SREBF2: variants seen among roughly 807,000 people sequenced by gnomAD.
SREBF2 encodes the protein sterol regulatory element-binding protein 2.
A neutral mutation model predicts 113.1 loss-of-function variants in SREBF2; 55 were observed. The observed-to-expected ratio is 0.49, with a 90% CI of 0.39 to 0.61. SREBF2 has a LOEUF of 0.61. SREBF2 is among the 20% of genes least tolerant of loss of function. The pLI, the probability that SREBF2 is intolerant of heterozygous loss-of-function variation, is 0.00. For missense variants in SREBF2, 1,349 were observed against 1,487.4 expected (o/e 0.91, Z 1.53); for synonymous variants, 593 against 605.7 (o/e 0.98, Z 0.31).
intron 1 of SREBF2, among the ~76,000 whole-genome samples, chr22:41,847,893 C>T (rs895493122): frequency 4.0e-5 from 6 of 150,104 alleles, no homozygotes; most frequent in Non-Finnish European, 7.4e-5. Context: ...AAGTCTGTTT[C>T]TTTTATTTAT....
rs761309617 is a variant in SREBF2, at chr22:41,880,960, C to T, written c.2006C>T (p.Ala669Val). Residue 669 changes from alanine to valine, a missense_variant, in exon 10 of 19, where the codon GCC (alanine) becomes GTC (valine). Ala to Val is a moderately conservative substitution (Grantham distance 64). Around this residue, in one of 2 missense-constraint regions of SREBF2, gnomAD observed 650 missense variants for 644.1 expected, o/e 1.01. Transcript: ENST00000361204. Reference sequence around the variant, plus strand: ...ACCAGCGCCCGGGATGCGGCTCTGGCCTATCACCGGCTGCACCAGCTGCAC... The same window carrying T: ...ACCAGCGCCCGGGATGCGGCTCTGGTCTATCACCGGCTGCACCAGCTGCAC... ...AKTSARDAALAYHRLHQLHIT... is the reference protein window; with the variant it reads ...AKTSARDAALVYHRLHQLHIT... 11 of 1,610,170 alleles carry T rather than the reference C, an allele frequency of 6.8e-6. No individual in the cohort carries two copies. In the East Asian group the frequency reaches 2.4e-4, roughly 36 times the overall value.
chr22:41,868,612 C>A lies in SREBF2; in HGVS notation c.540C>A (p.Val180=). The A allele has an allele frequency of 6.2e-7, 1 of 1,614,214 alleles. No individual in the cohort carries two copies. Among genetic ancestry groups the A allele is most frequent in the East Asian group, 2.2e-5 (1 of 44,892 alleles). ...CCTTCTTTCTCCTCTTCTCCCAAGTCCTTCAGCCTCAAGTCCAAAGCCTGG... is the reference window on the plus strand; with the variant it reads ...CCTTCTTTCTCCTCTTCTCCCAAGTACTTCAGCCTCAAGTCCAAAGCCTGG... ...IYQNAATSFQ[V]LQPQVQSLVT... Residue 180 remains valine, a splice_region_variant and synonymous_variant, in exon 3 of 19, where the codon GTC becomes GTA. Transcript: ENST00000361204.
At chr22:41,896,766 C>T (rs2077420011) in intron 13 of SREBF2, among the ~76,000 whole-genome samples, 1 of 152,168 alleles carries the variant, frequency 6.6e-6, no homozygotes. Context: ...GAGGAGATGA[C>T]ACTGGACTTG....
In SREBF2 at chr22:41,876,389, G is replaced by A. The variant is rs144585299; in HGVS notation, c.1386+665G>A. ...GTATCATATACTTAATTTTACTAAG[G>A]AAGCTCCATTTTTGAAATATTCTTA... On this transcript the variant is annotated intron_variant, in intron 7 of 18. Coordinates refer to ENST00000361204, the MANE Select transcript of SREBF2 (RefSeq NM_004599.4). Among the ~76,000 whole-genome samples, 632 of 152,278 alleles carry A rather than the reference G, an allele frequency of 4.2e-3. 5 individuals carry two copies. Among genetic ancestry groups the A allele is most frequent in the African/African-American group, 0.015 (613 of 41,552 alleles).
intron 10 of SREBF2, among the ~76,000 whole-genome samples, chr22:41,883,176 G>A (rs533490614): frequency 1.3e-4 from 20 of 152,204 alleles, no homozygotes; most frequent in South Asian, 8.3e-4. Flanking sequence ...GAGATGCTAA[G>A]TGTTGGAGGA....
chr22:41,858,139 G>T (rs1184032673), intron 1 of SREBF2, among the ~76,000 whole-genome samples: 2 of 152,282 alleles, frequency 1.3e-5, no homozygotes, highest in African/African-American at 2.4e-5. Context: ...CAGGATACTT[G>T]TTGGGAATTA....
rs372147832 is a variant in SREBF2 at position 41,871,934 on chromosome 22, AC to A, written c.867+900del. Among the ~76,000 whole-genome samples the A allele has an allele frequency of 4.0e-3, 596 of 150,490 alleles. 5 individuals carry two copies. The highest frequency in any genetic ancestry group is 0.014 in the African/African-American group (579 of 40,972). The stretch of plus-strand genomic sequence containing the variant: ...AAAAAAGCTACTGATGCATGAAACA[AC>A]ATGGGGCTGTCCCTCAGAAATAGTG... On this transcript the variant is annotated intron_variant, in intron 4 of 18. Coordinates refer to ENST00000361204, the MANE Select transcript of SREBF2 (RefSeq NM_004599.4).
intron 15 of SREBF2, 66 bp downstream of exon 15, chr22:41,898,847 G>A: frequency 6.3e-7 from 1 of 1,598,964 alleles, no homozygotes; most frequent in Non-Finnish European, 8.5e-7. Flanking sequence ...GTTAGCAGGA[G>A]CAAACTGGAC....
At chr22:41,891,984 G>T (rs977071755) in intron 11 of SREBF2, among the ~76,000 whole-genome samples, 3 of 152,250 alleles carry the variant, frequency 2.0e-5, no homozygotes, top group African/African-American at 7.2e-5. Context: ...GAGGGGCCCA[G>T]TGACCGGGGC....
chr22:41,841,334 G>A (rs922393124), intron 1 of SREBF2, among the ~76,000 whole-genome samples: 3 of 152,206 alleles, frequency 2.0e-5, no homozygotes, highest in Non-Finnish European at 2.9e-5. Context: ...GGTTGCTAAC[G>A]TTTGGGTTGA....
intron 1 of SREBF2, among the ~76,000 whole-genome samples, chr22:41,860,425 A>G (rs1403734514): frequency 6.6e-6 from 1 of 152,122 alleles, no homozygotes; most frequent in African/African-American, 2.4e-5. Flanking sequence ...TTTTTCCACT[A>G]TCAGATTGAC....
chr22:41,848,304 A>G (rs535423886), intron 1 of SREBF2, among the ~76,000 whole-genome samples: 6 of 151,844 alleles, frequency 4.0e-5, no homozygotes, highest in South Asian at 2.1e-4. Context: ...AGCCAGGATG[A>G]TCTCAATCTC....
chr22:41,868,459 A>C, intron 2 of SREBF2, 152 bp from the exon 3 acceptor site: 1 of 886,114 alleles, frequency 1.1e-6, no homozygotes, highest in Admixed American at 2.0e-5. Context: ...CTTGTTGTCT[A>C]AGCCACCTTG....
intron 11 of SREBF2, among the ~76,000 whole-genome samples, chr22:41,889,233 C>A (rs1323835463): frequency 6.6e-6 from 1 of 152,124 alleles, no homozygotes; most frequent in African/African-American, 2.4e-5. Flanking sequence ...CTCAAGTGAT[C>A]ATCCCACCTC....
intron 3 of SREBF2, among the ~76,000 whole-genome samples, chr22:41,869,579 G>A (rs998458454): frequency 7.2e-5 from 11 of 151,756 alleles, no homozygotes; most frequent in Admixed American, 2.0e-4. Flanking sequence ...CGCCTACCAG[G>A]TTCAAGCGAT....
intron 7 of SREBF2, among the ~76,000 whole-genome samples, chr22:41,876,927 T>C (rs1295425865): frequency 1.3e-5 from 2 of 152,230 alleles, no homozygotes; most frequent in East Asian, 3.8e-4. Context: ...TCTGGAATTA[T>C]ACAGAAACAG....
intron 11 of SREBF2, among the ~76,000 whole-genome samples, chr22:41,887,304 C>T (rs529260788): frequency 6.6e-6 from 1 of 152,232 alleles, no homozygotes; most frequent in Non-Finnish European, 1.5e-5. Flanking sequence ...AGAGTAAACA[C>T]ACCCTTATAG....
In SREBF2 at chr22:41,905,794, G is replaced by C. The variant is rs1344332981; in HGVS notation, c.*134G>C. ...CTGCCGAGGCTTCTGGGCCACTCAG[G>C]CCAGTGCACCCCTGGGCAGAGCCCC... is the stretch of plus-strand genomic sequence containing the variant. On this transcript the variant is annotated 3_prime_UTR_variant, in exon 19 of 19. Transcript: ENST00000361204. 1.0e-6 allele frequency: 1 copy of C among 1,000,274 alleles called. No individual in the cohort carries two copies. The highest frequency in any genetic ancestry group is 1.5e-6 in the Non-Finnish European group (1 of 647,032). 62.0% of individuals were successfully genotyped at this position (1,000,274 alleles called of 1,614,324 possible).
In SREBF2 at chr22:41,852,728, A is replaced by ATTT. The variant is rs544824099; in HGVS notation, c.89-14074_89-14072dup. On this transcript the variant is annotated intron_variant, in intron 1 of 18. Transcript: ENST00000361204. ...CAGCCATTCTCATACTCTCAGAATG[A>ATTT]TTTTTTTTTTTTTTTTTTTTTTTTT... Among the ~76,000 whole-genome samples, 142 of 40,410 alleles carry ATTT rather than the reference A, an allele frequency of 3.5e-3. 6 individuals are homozygous for ATTT. The highest frequency in any genetic ancestry group is 9.8e-3 in the Admixed American group (24 of 2,460). 26.5% of individuals were successfully genotyped at this position (40,410 alleles called of 152,430 possible). A position where few individuals can be genotyped will look rare whatever the true frequency, so the allele number is the denominator to read the frequency against.
Sources: allele counts gnomAD v4.1 joint callset (sites outside exome capture counted in the v4.1 genomes callset), GRCh38; gene constraint gnomAD v4.1.1; regional missense constraint gnomAD v4.1.1; transcripts MANE v1.5; gene names NCBI Gene and HGNC (gene_info 2026-07-23, HGNC 2026-07-21).